C2: variants seen among roughly 807,000 people sequenced by gnomAD.
C2 encodes the protein C3/C5 convertase.
In C2, 64 loss-of-function variants were observed where a neutral mutation model predicts 85.2. That is an observed-to-expected ratio of 0.75 (90% CI 0.61 to 0.92). C2 has a LOEUF of 0.92. C2 is among the 40% of genes least tolerant of loss of function. C2 has a pLI of 0.00. For missense variants in C2, 820 were observed against 971.6 expected (o/e 0.84, Z 2.07); for synonymous variants, 311 against 370.8 (o/e 0.84, Z 1.85).
At chr6:31,942,453 C>T (rs1018709520) in intron 9 of C2, among the ~76,000 whole-genome samples, 1 of 151,462 alleles carries the variant, frequency 6.6e-6, no homozygotes, top group Non-Finnish European at 1.5e-5. Flanking sequence ...AACCATAGAA[C>T]CCAGCAGGTG....
chr6:31,933,781 G>C lies in C2; in HGVS notation c.614G>C (p.Arg205Pro). ...GVWSGTEPIC[R>P]QPYSYDFPED... ...TGGAGTGGAACGGAGCCCATCTGCC[G>C]CCGTGAGTAGCTGCCCTGCCCTCCT... Residue 205 changes from arginine to proline, a missense_variant and splice_region_variant, in exon 4 of 18, where the codon CGC becomes CCC. Transcript: ENST00000299367. 6.2e-7 allele frequency: 1 copy of C among 1,613,764 alleles called. No individual in the cohort carries two copies. Among genetic ancestry groups the C allele is most frequent in the Non-Finnish European group, 8.5e-7 (1 of 1,180,022 alleles).
upstream of C2, chr6:31,898,067 G>A (rs1766823417): frequency 4.5e-6 from 1 of 221,826 alleles, no homozygotes; most frequent in Non-Finnish European, 7.6e-6. Flanking sequence ...CCAGATAGAA[G>A]GCTTGGCCTC....
In C2 at chr6:31,944,726, G is replaced by A; in HGVS notation, c.1903-1G>A. On this transcript the variant is annotated splice_acceptor_variant, in intron 15 of 17. Transcript: ENST00000299367. LOFTEE classifies it high-confidence loss of function. The surrounding 1 kb of genome is among the most constrained non-coding windows in gnomAD (Gnocchi z 5.1). ...TCTCTCTGGTTCCACCCCTGCTGCA[G>A]TGGACAAGCTGTGCCGAGGTTGTCT... 6.2e-7 allele frequency: 1 copy of A among 1,613,098 alleles called. No homozygotes were observed. Among genetic ancestry groups the A allele is most frequent in the Non-Finnish European group, 8.5e-7 (1 of 1,180,036 alleles).
chr6:31,939,397 T>C, intron 9 of C2, 77 bp downstream of exon 9: 1 of 1,111,688 alleles, frequency 9.0e-7, no homozygotes, highest in Non-Finnish European at 1.4e-6. Context: ...GATCCCAGCA[T>C]CTTAGCTATG....
upstream of C2, among the ~76,000 whole-genome samples, chr6:31,927,307 A>G (rs564109347): frequency 1.1e-4 from 16 of 152,364 alleles, no homozygotes; most frequent in African/African-American, 3.8e-4. This position sits in a 1 kb window ranked among gnomAD's most constrained non-coding sequence, Gnocchi z 4.7. Flanking sequence ...ACTTTACTTA[A>G]ATGAAATATT....
At chr6:31,907,215 A>T (rs1767769595) in intron 1 of C2, among the ~76,000 whole-genome samples, 1 of 151,904 alleles carries the variant, frequency 6.6e-6, no homozygotes, top group Non-Finnish European at 1.5e-5. Context: ...CAAAGTTCAA[A>T]ATTCAAAATG....
upstream of C2, among the ~76,000 whole-genome samples, chr6:31,919,346 T>C (rs540373638): frequency 7.2e-4 from 110 of 152,248 alleles, 1 homozygote; most frequent in African/African-American, 2.6e-3. Flanking sequence ...GATTTCACCA[T>C]GTTGGTCAGG....
chr6:31,897,919 G>C (rs1010331105), upstream of C2: 26 of 1,057,360 alleles, frequency 2.5e-5, no homozygotes, highest in Non-Finnish European at 2.8e-5. Flanking sequence ...CAGGTGTGGC[G>C]TCTCTGTCCC....
At position 31,943,680 on chromosome 6, in the gene C2, T is replaced by C; in HGVS notation, c.1604T>C (p.Ile535Thr). ...PKSQWGKEFLIEKAVISPGFD... is the reference protein window; with the variant it reads ...PKSQWGKEFLTEKAVISPGFD... ...TCCCAGTGGGGCAAAGAATTCCTTA[T>C]TGAGAAGGCGGTGATCTCCCCAGGG... The change falls in exon 13 of 18, where the codon ATT (isoleucine) becomes ACT (threonine). Residue 535 changes from isoleucine to threonine, a missense_variant. Coordinates refer to ENST00000299367, the MANE Select transcript of C2 (RefSeq NM_000063.6). This position sits in a 1 kb window ranked among gnomAD's most constrained non-coding sequence, Gnocchi z 6.4. The C allele has an allele frequency of 6.2e-7, 1 of 1,613,058 alleles. No individual in the cohort carries two copies. Among genetic ancestry groups the C allele is most frequent in the Non-Finnish European group, 8.5e-7 (1 of 1,180,016 alleles).
chr6:31,944,586 G>A lies in C2; in HGVS notation c.1903-141G>A, dbSNP rs1771198522. The stretch of plus-strand genomic sequence containing the variant: ...AGTAGAGACGGGATTTCGCCATGTT[G>A]GCCAGGATGGTCTTGAACTCCTGAC... On this transcript the variant is annotated intron_variant, in intron 15 of 17. Transcript: ENST00000299367. This position sits in a 1 kb window ranked among gnomAD's most constrained non-coding sequence, Gnocchi z 5.1. 2.2e-6 allele frequency: 2 copies of A among 928,200 alleles called. No individual in the cohort carries two copies. The highest frequency in any genetic ancestry group is 2.4e-5 in the East Asian group (1 of 41,706). 57.5% of individuals were successfully genotyped at this position (928,200 alleles called of 1,614,324 possible). A position where few individuals can be genotyped will look rare whatever the true frequency, so the allele number is the denominator to read the frequency against.
At position 31,935,816 on chromosome 6, in the gene C2, G is replaced by A; in HGVS notation, c.850-107G>A. ...TCTCCCCTGGTCCTTGCCTCTGTCGGTCTCACTCCAGTTTCTCTGCCTCCT... is the reference window on the plus strand; with the variant it reads ...TCTCCCCTGGTCCTTGCCTCTGTCGATCTCACTCCAGTTTCTCTGCCTCCT... On this transcript the variant is annotated intron_variant, in intron 6 of 17. Transcript: ENST00000299367. This position sits in a 1 kb window ranked among gnomAD's most constrained non-coding sequence, Gnocchi z 4.3. 8.0e-7 allele frequency: 1 copy of A among 1,250,884 alleles called. No homozygotes were observed. Among genetic ancestry groups the A allele is most frequent in the Non-Finnish European group, 1.2e-6 (1 of 862,388 alleles). 77.5% of individuals were successfully genotyped at this position (1,250,884 alleles called of 1,614,324 possible). A position where few individuals can be genotyped will look rare whatever the true frequency, so the allele number is the denominator to read the frequency against.
chr6:31,923,546 C>T (rs1013652116), upstream of C2, among the ~76,000 whole-genome samples: 4 of 151,936 alleles, frequency 2.6e-5, no homozygotes, highest in Non-Finnish European at 4.4e-5. Context: ...TGCAGTGGCA[C>T]GATCTCCGCT....
rs140693719 is a variant in C2 at position 31,937,144 on chromosome 6, G to A, written c.989-175G>A. 468 of 621,672 alleles carry A rather than the reference G, an allele frequency of 7.5e-4. 2 individuals carry two copies. The highest frequency in any genetic ancestry group is 6.5e-3 in the African/African-American group (352 of 54,268). 38.5% of individuals were successfully genotyped at this position (621,672 alleles called of 1,614,324 possible). On this transcript the variant is annotated intron_variant, in intron 7 of 17. Coordinates refer to ENST00000299367, the MANE Select transcript of C2 (RefSeq NM_000063.6). ...GAATCACTTGAACTGGGGAGGTGGA[G>A]GTTGCAGTCAGCCAAGATCACGCCA...
At chr6:31,903,951 A>C (rs1767550398) in intron 1 of C2, among the ~76,000 whole-genome samples, 1 of 151,932 alleles carries the variant, frequency 6.6e-6, no homozygotes, top group South Asian at 2.1e-4. Context: ...TTTGTGTCAG[A>C]CGCACCTAGG....
rs555964433 is a variant in C2, at chr6:31,934,017, G to A, written c.715+52G>A. 183 of 1,563,680 alleles carry A rather than the reference G, an allele frequency of 1.2e-4. No homozygotes were observed. In the South Asian group the frequency reaches 1.6e-3, roughly 14 times the overall value. On this transcript the variant is annotated intron_variant, in intron 5 of 17. Coordinates refer to ENST00000299367, the MANE Select transcript of C2 (RefSeq NM_000063.6). ...TTGAGCAGGGTGCTGGATCTGGGCC[G>A]GAGCAAGGGAGGATGCAACCTTCCT...
chr6:31,924,367 A>G (rs1338916299), upstream of C2, among the ~76,000 whole-genome samples: 1 of 152,210 alleles, frequency 6.6e-6, no homozygotes, highest in Non-Finnish European at 1.5e-5. Flanking sequence ...ATTGGAGAGC[A>G]GGGCCTCTTT....
chr6:31,920,037 C>T lies in C2; in HGVS notation c.-100+11C>T, dbSNP rs1036470755. The T allele has an allele frequency of 6.6e-6, 1 of 152,194 alleles. No individual in the cohort carries two copies. The allele number at this position is 152,194 out of a possible 1,614,324, so 9.4% of individuals were successfully genotyped here. Reference sequence around the variant, plus strand: ...AGGTGACAAAACAGGGTGAGTAAGGCTACGAAATAGCTAATGAATTTGCCA... The same window carrying T: ...AGGTGACAAAACAGGGTGAGTAAGGTTACGAAATAGCTAATGAATTTGCCA... On this transcript the variant is annotated intron_variant, in intron 1 of 3. Transcript: ENST00000413154. This position sits in a 1 kb window ranked among gnomAD's most constrained non-coding sequence, Gnocchi z 5.6.
At position 31,920,900 on chromosome 6, in the gene C2, G is replaced by A. The variant is rs1216089937; in HGVS notation, c.-100+874G>A. Among the ~76,000 whole-genome samples the A allele has an allele frequency of 6.6e-6, 1 of 152,192 alleles. No homozygotes were observed. The highest frequency in any genetic ancestry group is 1.5e-5 in the Non-Finnish European group (1 of 68,028). Reference sequence around the variant, plus strand: ...CAGGAGGTTCAGTGTCTAACCCAGTGTCTGGGCCTGCAGGGTGGCCTCTGA... The same window carrying A: ...CAGGAGGTTCAGTGTCTAACCCAGTATCTGGGCCTGCAGGGTGGCCTCTGA... On this transcript the variant is annotated intron_variant, in intron 1 of 3. Transcript: ENST00000413154. The surrounding 1 kb of genome is among the most constrained non-coding windows in gnomAD (Gnocchi z 5.6).
chr6:31,927,443 G>A (rs550786489), upstream of C2: 18 of 1,354,858 alleles, frequency 1.3e-5, no homozygotes, highest in East Asian at 4.2e-4. The surrounding 1 kb of genome is among the most constrained non-coding windows in gnomAD (Gnocchi z 4.7). Flanking sequence ...GTGAGCATGC[G>A]TGTATGGTGC....
Sources: gnomAD v4.1 joint callset for allele counts (sites outside exome capture counted in the v4.1 genomes callset) on GRCh38, gnomAD v4.1.1 for gene constraint, Gnocchi (gnomAD v3.1) non-coding constraint, MANE v1.5 for transcripts, NCBI Gene and HGNC (gene_info 2026-07-23, HGNC 2026-07-21) for gene names.